The following TGFBR3 variants were observed in gnomAD, a reference collection of about 807,000 sequenced individuals.
TGFBR3 encodes transforming growth factor beta receptor 3.
TGFBR3 carries 46 observed loss-of-function variants against 87.9 expected under a neutral mutation model. The ratio of observed to expected loss-of-function variants is 0.52; its 90% CI spans 0.41 to 0.67. The LOEUF (loss-of-function observed/expected upper bound fraction) is 0.67, where lower values mean the gene tolerates loss of function less well. TGFBR3 is among the 30% of genes least tolerant of loss of function. The pLI is 0.00. For missense variants in TGFBR3, 866 were observed against 1,041.9 expected, an observed-to-expected ratio of 0.83 and a Z score of 2.32; for synonymous variants, 381 against 391.6, an observed-to-expected ratio of 0.97 and a Z score of 0.32.
chr1:91,757,514 T>C (rs1673789164), intron 4 of TGFBR3, among the ~76,000 whole-genome samples: 1 of 152,244 alleles, frequency 6.6e-6, no homozygotes, highest in Non-Finnish European at 1.5e-5. Context: ...TCTGCTAGAT[T>C]TAGCATCTGT....
At chr1:91,700,419 T>C (rs905586451) in intron 14 of TGFBR3, among the ~76,000 whole-genome samples, 1 of 152,100 alleles carries the variant, frequency 6.6e-6, no homozygotes, top group Non-Finnish European at 1.5e-5. Context: ...AAAACAGAAT[T>C]GTAAATTCTC....
chr1:91,816,266 A>C (rs947725679), intron 2 of TGFBR3, among the ~76,000 whole-genome samples: 1 of 152,224 alleles, frequency 6.6e-6, no homozygotes, highest in Admixed American at 6.5e-5. Flanking sequence ...GTTCAACTCA[A>C]GGCTGAATTC....
At chr1:91,731,925 T>C (rs1457523907) in intron 5 of TGFBR3, among the ~76,000 whole-genome samples, 1 of 152,222 alleles carries the variant, frequency 6.6e-6, no homozygotes, top group South Asian at 2.1e-4. Flanking sequence ...TTGAATAAGC[T>C]GACCACTTTT....
intron 3 of TGFBR3, among the ~76,000 whole-genome samples, chr1:91,759,402 A>AC (rs1673875350): frequency 6.6e-6 from 1 of 151,870 alleles, no homozygotes; most frequent in Non-Finnish European, 1.5e-5. Flanking sequence ...AAAAAAAAAA[A>AC]AAACAGGGAA....
intron 2 of TGFBR3, among the ~76,000 whole-genome samples, chr1:91,813,821 G>C (rs570594419): frequency 6.6e-6 from 1 of 152,296 alleles, no homozygotes; most frequent in African/African-American, 2.4e-5. Context: ...CACAGACCGA[G>C]GAGGAGAGGA....
At position 91,682,708 on chromosome 1, in the gene TGFBR3, T is replaced by C. The variant is rs1480254105; in HGVS notation, c.*1031A>G. The C allele has an allele frequency of 4.4e-6, 2 of 453,828 alleles. No individual in the cohort carries two copies. Among genetic ancestry groups the C allele is most frequent in the South Asian group, 1.6e-5 (1 of 64,474 alleles). The allele number at this position is 453,828 out of a possible 1,614,324, so 28.1% of individuals were successfully genotyped here. On this transcript the variant is annotated 3_prime_UTR_variant, in exon 17 of 17. Coordinates refer to ENST00000212355, the MANE Select transcript of TGFBR3 (RefSeq NM_003243.5). ...ATGAAAGGGCCTATTTTTTTTTAAG[T>C]TGACATATTTTGAGTGGAAACACTC...
At chr1:91,749,803 C>T (rs1673473639) in intron 4 of TGFBR3, among the ~76,000 whole-genome samples, 1 of 152,180 alleles carries the variant, frequency 6.6e-6, no homozygotes, top group Non-Finnish European at 1.5e-5. Flanking sequence ...CTTTCCCCTC[C>T]TATTACATGG....
At chr1:91,724,592 G>A (rs1232197003) in intron 7 of TGFBR3, among the ~76,000 whole-genome samples, 1 of 151,908 alleles carries the variant, frequency 6.6e-6, no homozygotes, top group East Asian at 1.9e-4. Flanking sequence ...ATTATGTCTG[G>A]GAACTTAAAA....
intron 3 of TGFBR3, among the ~76,000 whole-genome samples, chr1:91,775,820 C>T (rs1674547588): frequency 6.6e-6 from 1 of 152,226 alleles, no homozygotes; most frequent in South Asian, 2.1e-4. Flanking sequence ...AATTTCTGGG[C>T]ATGTGAATGA....
chr1:91,901,338 C>A (rs1481375931), intron 1 of TGFBR3, among the ~76,000 whole-genome samples: 1 of 152,098 alleles, frequency 6.6e-6, no homozygotes, highest in East Asian at 1.9e-4. Flanking sequence ...GCTTCTCCAG[C>A]ATGGAAGAAA....
At chr1:91,685,485 G>A (rs752131554) in intron 16 of TGFBR3, among the ~76,000 whole-genome samples, 8 of 151,916 alleles carry the variant, frequency 5.3e-5, no homozygotes, top group Non-Finnish European at 1.0e-4. Flanking sequence ...ACCATGCCTG[G>A]CTAATTTTTT....
chr1:91,830,241 A>G (rs1676804826), intron 2 of TGFBR3, among the ~76,000 whole-genome samples: 1 of 152,214 alleles, frequency 6.6e-6, no homozygotes, highest in African/African-American at 2.4e-5. Flanking sequence ...CATAACCAAG[A>G]TCAGCTCAGC....
At chr1:91,708,584 G>A (rs1671878802) in intron 14 of TGFBR3, 79 bp downstream of exon 14, 1 of 1,605,486 alleles carries the variant, frequency 6.2e-7, no homozygotes, top group African/African-American at 1.3e-5. Flanking sequence ...AATAAAGCTG[G>A]ACTTTGATTT....
At chr1:91,864,522 G>A (rs1285314231) in intron 1 of TGFBR3, among the ~76,000 whole-genome samples, 1 of 152,168 alleles carries the variant, frequency 6.6e-6, no homozygotes, top group African/African-American at 2.4e-5. Flanking sequence ...TCTTCTTTTA[G>A]CTTAAAAGTC....
intron 10 of TGFBR3, among the ~76,000 whole-genome samples, chr1:91,717,448 G>A (rs1050753581): frequency 6.6e-5 from 10 of 151,928 alleles, no homozygotes; most frequent in Admixed American, 2.0e-4. Context: ...ATATATTCCC[G>A]GAATCTATCT....
intron 14 of TGFBR3, among the ~76,000 whole-genome samples, chr1:91,700,936 T>C (rs1278720802): frequency 6.6e-6 from 1 of 152,186 alleles, no homozygotes; most frequent in Non-Finnish European, 1.5e-5. Flanking sequence ...ATTTAAAGGT[T>C]GCTACAAGAT....
intron 5 of TGFBR3, among the ~76,000 whole-genome samples, chr1:91,732,449 G>A (rs960701445): frequency 7.9e-5 from 12 of 152,264 alleles, no homozygotes; most frequent in Middle Eastern, 3.4e-3. Context: ...CAAGTGATGC[G>A]GATGCTGCTG....
At chr1:91,704,566 G>T (rs1557666323) in intron 14 of TGFBR3, among the ~76,000 whole-genome samples, 2 of 152,110 alleles carry the variant, frequency 1.3e-5, no homozygotes, top group Non-Finnish European at 1.5e-5. Context: ...CTATACAGAG[G>T]TGCTATGAGG....
chr1:91,903,710 T>C (rs1269556293), intron 1 of TGFBR3, among the ~76,000 whole-genome samples: 2 of 152,018 alleles, frequency 1.3e-5, no homozygotes, highest in Non-Finnish European at 2.9e-5. Context: ...AGTTTTGAAA[T>C]AAGATCTCCA....
Sources: allele counts gnomAD v4.1 joint callset (sites outside exome capture counted in the v4.1 genomes callset), GRCh38; gene constraint gnomAD v4.1.1; transcripts MANE v1.5; gene names NCBI Gene and HGNC (gene_info 2026-07-23, HGNC 2026-07-21).